The following SLC25A15 variants were observed in gnomAD, a reference collection of about 807,000 sequenced individuals.
SLC25A15 encodes mitochondrial ornithine transporter 1.
A neutral mutation model predicts 32.3 loss-of-function variants in SLC25A15; 24 were observed. That is an observed-to-expected ratio of 0.74 (90% CI 0.54 to 1.04). The LOEUF (loss-of-function observed/expected upper bound fraction) is 1.04. SLC25A15 is among the 50% of genes least tolerant of loss of function. The pLI is 0.00. For synonymous variants in SLC25A15, 132 were observed against 142.1 expected, an observed-to-expected ratio of 0.93 and a Z score of 0.51; for missense variants, 317 against 374.5, an observed-to-expected ratio of 0.85 and a Z score of 1.27.
In SLC25A15 at chr13:40,799,393, G is replaced by A. The variant is rs1050335482; in HGVS notation, c.314+78G>A. 7 of 1,580,624 alleles carry A rather than the reference G, an allele frequency of 4.4e-6. No homozygotes were observed. In the Admixed American group the frequency reaches 8.6e-5, roughly 19 times the overall value. On this transcript the variant is annotated intron_variant, in intron 3 of 6. Coordinates refer to ENST00000338625, the MANE Select transcript of SLC25A15 (RefSeq NM_014252.4). ...TGGCAAGACATGGTGGCTCATGCCT[G>A]TAATCCCAGCACTTTGGGAGGCAAA...
At chr13:40,803,914 A>G (rs1358016586) in intron 3 of SLC25A15, among the ~76,000 whole-genome samples, 3 of 152,212 alleles carry the variant, frequency 2.0e-5, no homozygotes, top group Non-Finnish European at 2.9e-5. Context: ...ACACTGAAGT[A>G]TTAATAGTGC....
At chr13:40,809,440 G>A (rs1486521166) in intron 6 of SLC25A15, 103 bp from the exon 7 acceptor site, 1 of 1,434,718 alleles carries the variant, frequency 7.0e-7, no homozygotes, top group East Asian at 2.3e-5. Flanking sequence ...TTTTAGCACT[G>A]TTGTCTGGGT....
Position 40,812,446 on chromosome 13 carries a change from ATTAT to A in SLC25A15, c.*2783_*2786del, listed in dbSNP as rs1324609136. Among the ~76,000 whole-genome samples, 1 of 152,204 alleles carries A rather than the reference ATTAT, an allele frequency of 6.6e-6. No homozygotes were observed. Among genetic ancestry groups the A allele is most frequent in the African/African-American group, 2.4e-5 (1 of 41,448 alleles). Reference sequence around the variant, plus strand: ...AGAAATTTCAGTGTTCTATCATTAAATTATTTACTTAATATTTGAGTCTGATGAA... The same window carrying A: ...AGAAATTTCAGTGTTCTATCATTAAATTACTTAATATTTGAGTCTGATGAA... On this transcript the variant is annotated 3_prime_UTR_variant, in exon 7 of 7. Coordinates refer to ENST00000338625, the MANE Select transcript of SLC25A15 (RefSeq NM_014252.4).
chr13:40,801,512 C>T (rs903155659), intron 3 of SLC25A15, among the ~76,000 whole-genome samples: 12 of 152,138 alleles, frequency 7.9e-5, no homozygotes, highest in Admixed American at 7.2e-4. Flanking sequence ...AAGGTCACCC[C>T]GCTAAGGACT....
In SLC25A15 at chr13:40,807,297, A is replaced by G. The variant is rs911800976; in HGVS notation, c.456A>G (p.Thr152=). ...ATCTCTCTGTGTCTCCTCCCAGTAC[A>G]GTGTGGTCTGTCATCAAAAGTATTC... ...TSGKIAKSQN[T]VWSVIKSILR... The change falls in exon 5 of 7, where the codon ACA becomes ACG. Residue 152 remains threonine (T), a synonymous_variant. Transcript: ENST00000338625. 1 of 1,613,946 alleles carries G rather than the reference A, an allele frequency of 6.2e-7. No individual in the cohort carries two copies. Among genetic ancestry groups the G allele is most frequent in the Non-Finnish European group, 8.5e-7 (1 of 1,179,936 alleles).
Position 40,799,066 on chromosome 13 carries a change from C to T in SLC25A15, c.65C>T (p.Ala22Val). ...TCTGTCCTGATTGCAGGAGGTACAGCATGTGTACTGACCGGGCAGCCCTTT... is the reference window on the plus strand; with the variant it reads ...TCTGTCCTGATTGCAGGAGGTACAGTATGTGTACTGACCGGGCAGCCCTTT... The part of the protein sequence containing the change: ...DLTAGAAGGT[A>V]CVLTGQPFDT... The change falls in exon 3 of 7, where the codon GCA (alanine) becomes GTA (valine). Residue 22 changes from alanine to valine, a missense_variant. Physicochemically the swap from Ala to Val is moderately conservative, Grantham distance 64. Transcript: ENST00000338625. 6.2e-7 allele frequency: 1 copy of T among 1,614,220 alleles called. No homozygotes were observed. The highest frequency in any genetic ancestry group is 8.5e-7 in the Non-Finnish European group (1 of 1,180,038).
At chr13:40,805,740 G>T (rs1418828054) in intron 4 of SLC25A15, among the ~76,000 whole-genome samples, 2 of 152,184 alleles carry the variant, frequency 1.3e-5, no homozygotes, top group African/African-American at 2.4e-5. Flanking sequence ...AAGTGTACCT[G>T]CAGATGGCCC....
intron 2 of SLC25A15, among the ~76,000 whole-genome samples, chr13:40,795,065 G>A (rs1387379201): frequency 6.6e-6 from 1 of 152,128 alleles, no homozygotes; most frequent in East Asian, 1.9e-4. Context: ...GCCAGTGGGG[G>A]TCTGCCCAGT....
At chr13:40,796,901 C>T (rs7981393) in intron 2 of SLC25A15, among the ~76,000 whole-genome samples, 12,760 of 152,198 alleles carry the variant, frequency 0.084, 586 homozygotes, top group Middle Eastern at 0.099. Flanking sequence ...GCCTTTCCTG[C>T]GGAATAAGAT....
At chr13:40,791,672 T>A in intron 1 of SLC25A15, among the ~76,000 whole-genome samples, 1 of 152,134 alleles carries the variant, frequency 6.6e-6, no homozygotes, top group Non-Finnish European at 1.5e-5. Context: ...CCTGATAAAC[T>A]TTTTTAGGAA....
In SLC25A15 at chr13:40,811,340, T is replaced by C. The variant is rs1287514616; in HGVS notation, c.*1673T>C. 6.6e-6 allele frequency among the ~76,000 whole-genome samples: 1 copy of C among 151,922 alleles called. No individual in the cohort carries two copies. The highest frequency in any genetic ancestry group is 1.5e-5 in the Non-Finnish European group (1 of 67,968). On this transcript the variant is annotated 3_prime_UTR_variant, in exon 7 of 7. Coordinates refer to ENST00000338625, the MANE Select transcript of SLC25A15 (RefSeq NM_014252.4). The stretch of plus-strand genomic sequence containing the variant: ...CCCATCTCTACTAAAAATACAAAAA[T>C]TAGCTGGGCGTGGTGGCACGTGCCT...
chr13:40,799,673 A>G lies in SLC25A15; in HGVS notation c.314+358A>G, dbSNP rs545708447. 2.0e-5 allele frequency among the ~76,000 whole-genome samples: 3 copies of G among 152,336 alleles called. No homozygotes were observed. The East Asian group carries it at 5.8e-4, about 29-fold the overall frequency. The stretch of plus-strand genomic sequence containing the variant: ...CACAGAGGAGACCTGCTCATCATCC[A>G]CCACTGAGAATGAACCGCCCTTCTG... On this transcript the variant is annotated intron_variant, in intron 3 of 6. Coordinates refer to ENST00000338625, the MANE Select transcript of SLC25A15 (RefSeq NM_014252.4).
At chr13:40,804,757 A>G (rs973857904) in intron 3 of SLC25A15, among the ~76,000 whole-genome samples, 3 of 148,304 alleles carry the variant, frequency 2.0e-5, no homozygotes, top group Non-Finnish European at 4.5e-5. Context: ...TCACCATGTT[A>G]GCCAGGATGG....
intron 1 of SLC25A15, among the ~76,000 whole-genome samples, 158 bp downstream of exon 1, chr13:40,789,821 C>G (rs1334635301): frequency 6.6e-6 from 1 of 152,064 alleles, no homozygotes; most frequent in Non-Finnish European, 1.5e-5. Flanking sequence ...CCGCGGGACT[C>G]GGAGAATCTC....
At chr13:40,798,929 T>G (rs1593290596) in intron 2 of SLC25A15, 128 bp from the exon 3 acceptor site, 7 of 1,589,154 alleles carry the variant, frequency 4.4e-6, no homozygotes, top group Admixed American at 3.4e-5. Context: ...GGCTGGAAGG[T>G]TTTGGAGGAA....
chr13:40,803,394 A>G (rs914734052), intron 3 of SLC25A15, among the ~76,000 whole-genome samples: 1 of 151,986 alleles, frequency 6.6e-6, no homozygotes, highest in African/African-American at 2.4e-5. Flanking sequence ...TTTAGTAGAG[A>G]CGGGGTTTTG....
intron 4 of SLC25A15, 29 bp from the exon 5 acceptor site, chr13:40,807,265 C>T: frequency 1.9e-6 from 3 of 1,611,460 alleles, no homozygotes; most frequent in Non-Finnish European, 2.5e-6. Flanking sequence ...CCTGCTGTAA[C>T]CGTGCTATCT....
rs1882450234 is a variant in SLC25A15 at position 40,811,498 on chromosome 13, AAG to A, written c.*1833_*1834del. Among the ~76,000 whole-genome samples the A allele has an allele frequency of 7.0e-6, 1 of 143,564 alleles. No individual in the cohort carries two copies. Among genetic ancestry groups the A allele is most frequent in the African/African-American group, 2.6e-5 (1 of 39,186 alleles). The allele number at this position is 143,564 out of a possible 152,430, so 94.2% of individuals were successfully genotyped here. On this transcript the variant is annotated 3_prime_UTR_variant, in exon 7 of 7. Transcript: ENST00000338625. Reference sequence around the variant, plus strand: ...AGCGAGACTTCATCTCAAAAAAAAAAAGAAAAGAAAAGCAATTGTACTTCACT... The same window carrying A: ...AGCGAGACTTCATCTCAAAAAAAAAAAAAAGAAAAGCAATTGTACTTCACT...
Position 40,809,786 on chromosome 13 carries a change from G to C in SLC25A15, c.*119G>C. 2 of 1,073,880 alleles carry C rather than the reference G, an allele frequency of 1.9e-6. No homozygotes were observed. Among genetic ancestry groups the C allele is most frequent in the East Asian group, 4.8e-5 (2 of 41,962 alleles). 66.5% of individuals were successfully genotyped at this position (1,073,880 alleles called of 1,614,324 possible). A position where few individuals can be genotyped will look rare whatever the true frequency, so the allele number is the denominator to read the frequency against. ...TGATTTCTTGGGAATTTTGCTTTTT[G>C]TCTTCCCTTCTACCCTACATCTTAA... On this transcript the variant is annotated 3_prime_UTR_variant, in exon 7 of 7. Transcript: ENST00000338625.
Sources: gnomAD v4.1 joint callset for allele counts (sites outside exome capture counted in the v4.1 genomes callset) on GRCh38, gnomAD v4.1.1 for gene constraint, MANE v1.5 for transcripts, NCBI Gene and HGNC (gene_info 2026-07-23, HGNC 2026-07-21) for gene names.